DYNC2H1: variants seen among roughly 807,000 people sequenced by gnomAD.
The protein encoded by DYNC2H1 is cytoplasmic dynein 2 heavy chain 1.
DYNC2H1 carries 410 observed loss-of-function variants against 570.0 expected under a neutral mutation model. That is an observed-to-expected ratio of 0.72 (90% CI 0.66 to 0.78). The LOEUF is 0.78. DYNC2H1 is among the 30% of genes least tolerant of loss of function. The probability of loss-of-function intolerance (pLI) is 0.00; values close to 1 mark genes in which losing one functional copy is unlikely to be tolerated. For synonymous variants in DYNC2H1, 1,688 were observed against 1,677.6 expected (o/e 1.01, Z -0.15); for missense variants, 4,865 against 5,046.4 (o/e 0.96, Z 1.09).
In DYNC2H1 at chr11:103,220,607, C is replaced by A; in HGVS notation, c.8947-16C>A. ...ATATATAATTTGAAGATAAAAATGG[C>A]CTTTTTCTCTTTTAGCCTTTAGTCA... is the stretch of plus-strand genomic sequence containing the variant. On this transcript the variant is annotated splice_polypyrimidine_tract_variant and intron_variant, in intron 56 of 88. Coordinates refer to ENST00000375735, the MANE Select transcript of DYNC2H1 (RefSeq NM_001377.3). The A allele has an allele frequency of 6.4e-7, 1 of 1,561,722 alleles. No individual in the cohort carries two copies. Among genetic ancestry groups the A allele is most frequent in the Non-Finnish European group, 8.6e-7 (1 of 1,156,488 alleles).
intron 82 of DYNC2H1, among the ~76,000 whole-genome samples, chr11:103,339,437 C>T (rs1395624278): frequency 4.6e-5 from 7 of 152,214 alleles, no homozygotes; most frequent in Non-Finnish European, 2.9e-5. Context: ...AGATTCCCTT[C>T]TGGCCCTGGG....
At chr11:103,191,979 A>T in intron 46 of DYNC2H1, 118 bp from the exon 47 acceptor site, 1 of 787,586 alleles carries the variant, frequency 1.3e-6, no homozygotes, top group Non-Finnish European at 1.8e-6. Flanking sequence ...CCTTTCTTCC[A>T]TTTATCTGAT....
rs991452927 is a variant in DYNC2H1, at chr11:103,255,516, C to T, written c.10308C>T (p.Leu3436=). 2.4e-5 allele frequency: 38 copies of T among 1,553,312 alleles called. No individual in the cohort carries two copies. Among genetic ancestry groups the T allele is most frequent in the South Asian group, 4.8e-5 (4 of 83,610 alleles). Residue 3436 remains leucine, a synonymous_variant, in exon 67 of 89, where the codon CTC becomes CTT. Transcript: ENST00000375735. ...EEDKKIQLAK[L]EESLLETLAT... ...ATAAGAAAATACAGCTAGCCAAGCT[C>T]GAAGAATCTCTTCTAGAGGTAAAAG...
At chr11:103,236,584 C>A in intron 63 of DYNC2H1, 45 bp downstream of exon 63, 1 of 1,047,428 alleles carries the variant, frequency 9.5e-7, no homozygotes, top group South Asian at 1.5e-5. Flanking sequence ...GTTTTATTGT[C>A]AAGCTTGCTG....
intron 43 of DYNC2H1, among the ~76,000 whole-genome samples, chr11:103,187,862 A>G (rs970382386): frequency 2.0e-5 from 3 of 152,090 alleles, no homozygotes; most frequent in Non-Finnish European, 4.4e-5. Flanking sequence ...AACAAGGAGG[A>G]AAACAAAAGC....
intron 83 of DYNC2H1, among the ~76,000 whole-genome samples, chr11:103,383,406 G>T (rs903106441): frequency 6.6e-5 from 10 of 151,760 alleles, no homozygotes; most frequent in South Asian, 2.1e-4. Context: ...TCCTTTATTG[G>T]TTTTTTTCTC....
Position 103,479,363 on chromosome 11 carries a change from A to G in DYNC2H1, c.*110A>G, listed in dbSNP as rs964231753. 23 of 1,288,202 alleles carry G rather than the reference A, an allele frequency of 1.8e-5. No individual in the cohort carries two copies. Among genetic ancestry groups the G allele is most frequent in the African/African-American group, 3.0e-5 (2 of 67,266 alleles). The allele number at this position is 1,288,202 out of a possible 1,614,324, so 79.8% of individuals were successfully genotyped here. A position where few individuals can be genotyped will look rare whatever the true frequency, so the allele number is the denominator to read the frequency against. On this transcript the variant is annotated 3_prime_UTR_variant, in exon 89 of 89. Coordinates refer to ENST00000375735, the MANE Select transcript of DYNC2H1 (RefSeq NM_001377.3). Reference sequence around the variant, plus strand: ...TGAAATGTTAGTTCAAAATATTAACATATAGTTATGTTGTTGATGTCACTG... The same window carrying G: ...TGAAATGTTAGTTCAAAATATTAACGTATAGTTATGTTGTTGATGTCACTG...
intron 85 of DYNC2H1, among the ~76,000 whole-genome samples, chr11:103,447,968 A>G (rs1944482018): frequency 6.6e-6 from 1 of 152,106 alleles, no homozygotes; most frequent in Admixed American, 6.6e-5. Flanking sequence ...TCTGATAAAT[A>G]TTGAAAGAAA....
chr11:103,164,904 G>A (rs968871796), intron 30 of DYNC2H1, among the ~76,000 whole-genome samples: 2 of 152,044 alleles, frequency 1.3e-5, no homozygotes, highest in African/African-American at 4.8e-5. Flanking sequence ...GCATTGCCTA[G>A]GATTAGGCTT....
chr11:103,286,018 T>C (rs1866338385), intron 73 of DYNC2H1, among the ~76,000 whole-genome samples: 1 of 152,236 alleles, frequency 6.6e-6, no homozygotes, highest in Non-Finnish European at 1.5e-5. Context: ...AGAGAAAAGA[T>C]TAACTCATGA....
chr11:103,449,175 G>A (rs512835), intron 85 of DYNC2H1, among the ~76,000 whole-genome samples: 6,672 of 152,152 alleles, frequency 0.044, 483 homozygotes, highest in African/African-American at 0.15. Context: ...GAGAAAGGGC[G>A]GCAAGTGTGC....
chr11:103,283,016 A>C lies in DYNC2H1; in HGVS notation c.10821A>C (p.Gln3607His). ...VGDMLRKADS[Q>H]QKIRDQLPSW... Reference sequence around the variant, plus strand: ...AATTGCTTTTATTAAAGGACTCTCAACAAAAAATACGTGATCAGCTTCCGT... The same window carrying C: ...AATTGCTTTTATTAAAGGACTCTCACCAAAAAATACGTGATCAGCTTCCGT... Residue 3607 changes from glutamine to histidine, a missense_variant, in exon 73 of 89, where the codon CAA becomes CAC. This residue lies in a region of DYNC2H1 where 2,401 missense variants were observed against 2,454.6 expected (regional missense o/e 0.98). Transcript: ENST00000375735. 3.1e-6 allele frequency: 5 copies of C among 1,601,138 alleles called. No homozygotes were observed. Among genetic ancestry groups the C allele is most frequent in the Non-Finnish European group, 4.3e-6 (5 of 1,174,008 alleles).
chr11:103,445,083 A>G (rs1165944021), intron 85 of DYNC2H1, among the ~76,000 whole-genome samples: 3 of 152,210 alleles, frequency 2.0e-5, no homozygotes, highest in African/African-American at 7.2e-5. Context: ...CTCTTCTCAA[A>G]TACCGAATGA....
intron 84 of DYNC2H1, among the ~76,000 whole-genome samples, chr11:103,430,388 T>C (rs1212984669): frequency 6.6e-6 from 1 of 152,166 alleles, no homozygotes; most frequent in Admixed American, 6.6e-5. Context: ...CCTGTACATA[T>C]AAGTGCTATA....
In DYNC2H1 at chr11:103,125,082, A is replaced by C; in HGVS notation, c.1662-18A>C. ...GTGAGAACATGAAACTTAACAGGTT[A>C]TTTATTTTGTTTTATAGTATTGAGG... On this transcript the variant is annotated intron_variant, in intron 11 of 88. Coordinates refer to ENST00000375735, the MANE Select transcript of DYNC2H1 (RefSeq NM_001377.3). The C allele has an allele frequency of 6.3e-7, 1 of 1,578,760 alleles. No homozygotes were observed. Among genetic ancestry groups the C allele is most frequent in the Non-Finnish European group, 8.7e-7 (1 of 1,155,612 alleles).
chr11:103,469,462 T>C (rs763469344), intron 88 of DYNC2H1, among the ~76,000 whole-genome samples: 1 of 152,212 alleles, frequency 6.6e-6, no homozygotes, highest in Non-Finnish European at 1.5e-5. Context: ...TTTCATATAT[T>C]GCTCACTACA....
At chr11:103,387,678 A>G (rs541136478) in intron 83 of DYNC2H1, among the ~76,000 whole-genome samples, 4 of 152,296 alleles carry the variant, frequency 2.6e-5, no homozygotes, top group East Asian at 3.9e-4. Flanking sequence ...TAATTTTTAT[A>G]TAAGGTGTAA....
chr11:103,477,655 C>G (rs772027168), intron 88 of DYNC2H1, among the ~76,000 whole-genome samples: 1 of 151,638 alleles, frequency 6.6e-6, no homozygotes, highest in African/African-American at 2.4e-5. Flanking sequence ...CACAGTGAAA[C>G]CCTGTCTCTA....
intron 17 of DYNC2H1, 64 bp from the exon 18 acceptor site, chr11:103,143,204 T>C (rs1860050204): frequency 6.5e-7 from 1 of 1,534,164 alleles, no homozygotes; most frequent in South Asian, 1.2e-5. Flanking sequence ...TGAATCCTAT[T>C]CTATTATATG....
Sources: allele counts gnomAD v4.1 joint callset (sites outside exome capture counted in the v4.1 genomes callset), GRCh38; gene constraint gnomAD v4.1.1; regional missense constraint gnomAD v4.1.1; transcripts MANE v1.5; gene names NCBI Gene and HGNC (gene_info 2026-07-23, HGNC 2026-07-21).